Variants in SFXN3 observed in about 807,000 individuals in gnomAD.
SFXN3 encodes sideroflexin 3.
In SFXN3, 31 loss-of-function variants were observed where a neutral mutation model predicts 40.4. The observed-to-expected ratio is 0.77, with a 90% confidence interval of 0.58 to 1.04. SFXN3 has a LOEUF of 1.04. Among genes scored for constraint, SFXN3 ranks in the 50% least tolerant of loss-of-function variants. The pLI, the probability that SFXN3 is intolerant of heterozygous loss-of-function variation, is 0.00. For synonymous variants in SFXN3, 157 were observed against 160.0 expected (o/e 0.98, Z 0.14); for missense variants, 366 against 408.2 (o/e 0.90, Z 0.89).
At position 101,036,811 on chromosome 10, in the gene SFXN3, G is replaced by A. The variant is rs1465188945; in HGVS notation, c.593+3G>A. ...AACATCCCCCTGATGAGGCAGAGGT[G>A]AGTGACCCCGGCTCCTGGCATGTGC... On this transcript the variant is annotated splice_donor_region_variant and intron_variant, in intron 7 of 11. Transcript: ENST00000393459. The surrounding 1 kb of genome is among the most constrained non-coding windows in gnomAD (Gnocchi z 4.2). 6.2e-7 allele frequency: 1 copy of A among 1,612,850 alleles called. No homozygotes were observed. The highest frequency in any genetic ancestry group is 1.3e-5 in the African/African-American group (1 of 75,044).
intron 9 of SFXN3, chr10:101,037,656 C>T (rs1041314601): frequency 2.0e-5 from 29 of 1,432,954 alleles, no homozygotes; most frequent in Non-Finnish European, 2.6e-5. Flanking sequence ...AAACCAACTT[C>T]ATCAGTGTTA....
intron 9 of SFXN3, chr10:101,038,267 T>G: frequency 8.7e-7 from 1 of 1,150,334 alleles, no homozygotes; most frequent in Non-Finnish European, 1.1e-6. Context: ...GAGGAAGAGA[T>G]GTGCTTGGAA....
chr10:101,038,217 T>G, intron 9 of SFXN3: 1 of 1,019,188 alleles, frequency 9.8e-7, no homozygotes, highest in South Asian at 2.9e-5. Flanking sequence ...GAGGAACAGG[T>G]TGGTGGTCCC....
At chr10:101,031,392 T>C (rs1168792581) in exon 1 of SFXN3, 3 of 152,410 alleles carry the variant, frequency 2.0e-5, no homozygotes, top group Non-Finnish European at 2.9e-5. Flanking sequence ...GAACCACCTC[T>C]TCTCTGAGCC....
At chr10:101,037,894 C>A in intron 9 of SFXN3, 1 of 1,018,984 alleles carries the variant, frequency 9.8e-7, no homozygotes, top group Non-Finnish European at 1.2e-6. Flanking sequence ...TGTTTTAGGG[C>A]TGAGGAGATG....
chr10:101,032,516 T>G, intron 2 of SFXN3, 34 bp downstream of exon 2: 1 of 1,525,578 alleles, frequency 6.6e-7, no homozygotes, highest in Non-Finnish European at 8.8e-7. Context: ...GGCGGGGTTC[T>G]GGAATGGGGG....
Position 101,036,266 on chromosome 10 carries a change from C to A in SFXN3, c.431+165C>A, listed in dbSNP as rs1215119508. Reference sequence around the variant, plus strand: ...CCGAATTACCCTGCCTAACTGAAGGCATGAGGTCCTCTTATGTATGCTGTG... The same window carrying A: ...CCGAATTACCCTGCCTAACTGAAGGAATGAGGTCCTCTTATGTATGCTGTG... On this transcript the variant is annotated intron_variant, in intron 5 of 11. Coordinates refer to ENST00000393459, the Ensembl canonical transcript of SFXN3. This position sits in a 1 kb window ranked among gnomAD's most constrained non-coding sequence, Gnocchi z 4.2. Among the ~76,000 whole-genome samples the A allele has an allele frequency of 3.3e-5, 5 of 152,240 alleles. No homozygotes were observed.
Position 101,039,527 on chromosome 10 carries a change from C to T in SFXN3, c.908C>T (p.Ala303Val). 3.7e-6 allele frequency: 6 copies of T among 1,614,122 alleles called. No individual in the cohort carries two copies. The highest frequency in any genetic ancestry group is 1.7e-4 in the Middle Eastern group (1 of 6,060). ...AGCAACCTGGAACCAGAGCTGAGAGCTCAGATCCATGAGCAAAACCCCAGC... is the reference window on the plus strand; with the variant it reads ...AGCAACCTGGAACCAGAGCTGAGAGTTCAGATCCATGAGCAAAACCCCAGC... Residue 303 changes from alanine to valine, a missense_variant, in exon 12 of 12, where the codon GCT becomes GTT. Ala to Val is a moderately conservative substitution (Grantham distance 64). Transcript: ENST00000393459. The surrounding 1 kb of genome is among the most constrained non-coding windows in gnomAD (Gnocchi z 4.6).
Position 101,037,448 on chromosome 10 carries a change from C to G in SFXN3, c.771+17C>G. 6 of 1,614,236 alleles carry G rather than the reference C, an allele frequency of 3.7e-6. No homozygotes were observed. The highest frequency in any genetic ancestry group is 5.1e-6 in the Non-Finnish European group (6 of 1,180,046). ...TTCCTGAAGGTAGGCGACTGTACCT[C>G]TCTTGTCCTGGAATGGGCGATGGCT... On this transcript the variant is annotated intron_variant, in intron 9 of 11. Transcript: ENST00000393459.
chr10:101,032,757 AG>A (rs1303794217), intron 2 of SFXN3, among the ~76,000 whole-genome samples: 1 of 152,190 alleles, frequency 6.6e-6, no homozygotes, highest in African/African-American at 2.4e-5. Context: ...ATGTCTGGGC[AG>A]GGTGTGCATG....
intron 9 of SFXN3, chr10:101,038,225 C>A: frequency 9.3e-7 from 1 of 1,075,014 alleles, no homozygotes; most frequent in Non-Finnish European, 1.1e-6. Context: ...GGTTGGTGGT[C>A]CCTGTGGCCA....
intron 9 of SFXN3, chr10:101,037,885 G>C: frequency 9.7e-7 from 1 of 1,035,112 alleles, no homozygotes. Context: ...CACCAGGCAT[G>C]TTTTAGGGCT....
At chr10:101,035,742 G>T in intron 4 of SFXN3, 75 bp downstream of exon 4, 1 of 1,526,966 alleles carries the variant, frequency 6.5e-7, no homozygotes. Flanking sequence ...CTTCTTGTCT[G>T]GGCCAACTGG....
intron 9 of SFXN3, 58 bp downstream of exon 9, chr10:101,037,489 GCC>G: frequency 5.0e-6 from 8 of 1,613,686 alleles, no homozygotes; most frequent in Admixed American, 1.7e-5. Flanking sequence ...AAGTGACCAG[GCC>G]CCAACTCTCT....
Position 101,036,388 on chromosome 10 carries a change from T to C in SFXN3, c.432-98T>C. On this transcript the variant is annotated intron_variant, in intron 5 of 11. Transcript: ENST00000393459. The surrounding 1 kb of genome is among the most constrained non-coding windows in gnomAD (Gnocchi z 4.2). Reference sequence around the variant, plus strand: ...CTTCTTCTGCAAGGAGCTTCCCCTTTTATGCCTCATGTATTGAGGACTTGG... The same window carrying C: ...CTTCTTCTGCAAGGAGCTTCCCCTTCTATGCCTCATGTATTGAGGACTTGG... The C allele has an allele frequency of 1.7e-6, 2 of 1,168,708 alleles. No individual in the cohort carries two copies. The highest frequency in any genetic ancestry group is 3.1e-5 in the African/African-American group (2 of 65,496). 72.4% of individuals were successfully genotyped at this position (1,168,708 alleles called of 1,614,324 possible).
intron 9 of SFXN3, chr10:101,038,290 A>G (rs372390332): frequency 3.9e-5 from 47 of 1,219,104 alleles, no homozygotes; most frequent in Middle Eastern, 6.9e-4. Context: ...GGTCAGATTC[A>G]TGCCACTGGG....
At chr10:101,037,236 G>C (rs1590088400) in intron 8 of SFXN3, 33 bp downstream of exon 8, 1 of 1,613,426 alleles carries the variant, frequency 6.2e-7, no homozygotes, top group East Asian at 2.2e-5. Flanking sequence ...GGGCATAGGA[G>C]ACTCTGAGAG....
Position 101,036,363 on chromosome 10 carries a change from C to A in SFXN3, c.432-123C>A. On this transcript the variant is annotated intron_variant, in intron 5 of 11. Coordinates refer to ENST00000393459, the Ensembl canonical transcript of SFXN3. The surrounding 1 kb of genome is among the most constrained non-coding windows in gnomAD (Gnocchi z 4.2). ...GTTTACGCCGGAGATGGAGGGAAGGCTTCTTCTGCAAGGAGCTTCCCCTTT... is the reference window on the plus strand; with the variant it reads ...GTTTACGCCGGAGATGGAGGGAAGGATTCTTCTGCAAGGAGCTTCCCCTTT... 1.0e-6 allele frequency: 1 copy of A among 954,734 alleles called. No individual in the cohort carries two copies. The highest frequency in any genetic ancestry group is 1.6e-5 in the African/African-American group (1 of 61,206). The allele number at this position is 954,734 out of a possible 1,614,324, so 59.1% of individuals were successfully genotyped here. A position where few individuals can be genotyped will look rare whatever the true frequency, so the allele number is the denominator to read the frequency against.
At chr10:101,037,803 G>A (rs1474621146) in intron 9 of SFXN3, 4 of 1,136,888 alleles carry the variant, frequency 3.5e-6, no homozygotes, top group African/African-American at 1.6e-5. Context: ...AACAGGACAC[G>A]AAAGCAAAGC....
Sources: gnomAD v4.1 joint callset for allele counts (sites outside exome capture counted in the v4.1 genomes callset) on GRCh38, gnomAD v4.1.1 for gene constraint, Gnocchi (gnomAD v3.1) non-coding constraint, MANE v1.5 for transcripts, NCBI Gene and HGNC (gene_info 2026-07-23, HGNC 2026-07-21) for gene names.